The following PCDHA13 variants were observed in gnomAD, a reference collection of about 807,000 sequenced individuals.
The protein encoded by PCDHA13 is protocadherin alpha 13.
Under a neutral mutation model 64.8 loss-of-function variants are expected in PCDHA13, and 54 were observed. That is an observed-to-expected ratio of 0.83 (90% CI 0.67 to 1.04). The LOEUF (loss-of-function observed/expected upper bound fraction) is 1.04, where lower values mean the gene tolerates loss of function less well. Ranked by LOEUF, PCDHA13 falls within the 50% of genes least tolerant of loss-of-function variation. The probability of loss-of-function intolerance (pLI) is 0.00; values close to 1 mark genes in which losing one functional copy is unlikely to be tolerated. For synonymous variants in PCDHA13, 587 were observed against 564.4 expected (o/e 1.04, Z -0.57); for missense variants, 1,248 against 1,254.3 (o/e 0.99, Z 0.08).
At chr5:140,917,334 G>T (rs1466426021) in intron 1 of PCDHA13, among the ~76,000 whole-genome samples, 7 of 147,628 alleles carry the variant, frequency 4.7e-5, no homozygotes, top group Admixed American at 4.1e-4. Context: ...CGGGGGAGGG[G>T]GGGGATGGTG....
intron 3 of PCDHA13, among the ~76,000 whole-genome samples, chr5:140,998,895 A>G (rs545479952): frequency 1.3e-4 from 20 of 152,354 alleles, no homozygotes; most frequent in Non-Finnish European, 1.8e-4. Flanking sequence ...ATAAATAACA[A>G]TGCCTCCGGG....
At chr5:140,967,909 C>A in intron 1 of PCDHA13, 1 of 1,614,206 alleles carries the variant, frequency 6.2e-7, no homozygotes, top group Non-Finnish European at 8.5e-7. Flanking sequence ...CTACACCCAA[C>A]ACCATTGTGG....
At chr5:140,901,553 A>C (rs1387848935) in intron 1 of PCDHA13, among the ~76,000 whole-genome samples, 1 of 152,072 alleles carries the variant, frequency 6.6e-6, no homozygotes, top group African/African-American at 2.4e-5. Flanking sequence ...TGTTCCATTC[A>C]TCTATGTGTC....
intron 1 of PCDHA13, among the ~76,000 whole-genome samples, chr5:140,905,747 C>T (rs2072054792): frequency 2.0e-5 from 3 of 152,156 alleles, no homozygotes; most frequent in South Asian, 2.1e-4. Context: ...AGAGATCTTT[C>T]ACCTCCTTGG....
chr5:140,927,136 G>A (rs2083883058), intron 1 of PCDHA13: 3 of 1,613,986 alleles, frequency 1.9e-6, no homozygotes, highest in African/African-American at 2.7e-5. Flanking sequence ...AGAGCCGGCG[G>A]ACCGCGAACA....
chr5:140,914,504 T>A (rs1554196424), intron 1 of PCDHA13, among the ~76,000 whole-genome samples: 1 of 152,202 alleles, frequency 6.6e-6, no homozygotes, highest in Non-Finnish European at 1.5e-5. Flanking sequence ...AACAGATCAT[T>A]GGGTCATGTT....
Position 140,926,391 on chromosome 5 carries a change from A to T in PCDHA13, c.2394+41729A>T, listed in dbSNP as rs76822698. On this transcript the variant is annotated intron_variant, in intron 1 of 3. Coordinates refer to ENST00000289272, the MANE Select transcript of PCDHA13 (RefSeq NM_018904.3). ...AGGAAGAGCCCAGCTGGGCTCAGCCACAGTTATCAGCAATCTGCGGGCAGA... is the reference window on the plus strand; with the variant it reads ...AGGAAGAGCCCAGCTGGGCTCAGCCTCAGTTATCAGCAATCTGCGGGCAGA... 1,228 of 152,462 alleles carry T rather than the reference A, an allele frequency of 8.1e-3. 5 individuals carry two copies. The highest frequency in any genetic ancestry group is 0.019 in the African/African-American group (792 of 41,554). The allele number at this position is 152,462 out of a possible 1,614,324, so 9.4% of individuals were successfully genotyped here.
intron 3 of PCDHA13, among the ~76,000 whole-genome samples, chr5:140,993,754 A>T (rs1253767297): frequency 6.6e-6 from 1 of 152,170 alleles, no homozygotes; most frequent in African/African-American, 2.4e-5. Context: ...ACTTGCCATT[A>T]TATTACAATT....
intron 1 of PCDHA13, among the ~76,000 whole-genome samples, chr5:140,922,064 T>C (rs2080596272): frequency 6.6e-6 from 1 of 152,054 alleles, no homozygotes; most frequent in Non-Finnish European, 1.5e-5. Flanking sequence ...AATGTAGCAA[T>C]CCCACTAAGC....
At chr5:140,950,083 T>C (rs1361884165) in intron 1 of PCDHA13, among the ~76,000 whole-genome samples, 1 of 152,002 alleles carries the variant, frequency 6.6e-6, no homozygotes, top group Non-Finnish European at 1.5e-5. Context: ...GCTTATGCTA[T>C]AGTTTTCATT....
chr5:140,907,525 G>A (rs1016477325), intron 1 of PCDHA13, among the ~76,000 whole-genome samples: 3 of 152,196 alleles, frequency 2.0e-5, no homozygotes, highest in African/African-American at 4.8e-5. Flanking sequence ...AGGACAAATC[G>A]CTGCCCTTTC....
At chr5:140,943,789 T>C (rs2093567416) in intron 1 of PCDHA13, among the ~76,000 whole-genome samples, 1 of 152,228 alleles carries the variant, frequency 6.6e-6, no homozygotes, top group African/African-American at 2.4e-5. Flanking sequence ...TGGTCCTTTA[T>C]GCAAAGCAAA....
intron 1 of PCDHA13, chr5:140,927,071 GCCA>G (rs2083808355): frequency 4.3e-6 from 7 of 1,610,970 alleles, no homozygotes; most frequent in Non-Finnish European, 5.9e-6. Flanking sequence ...TTCCTTTCCA[GCCA>G]CCGCGAGCTC....
At chr5:140,917,137 C>A (rs868951388) in intron 1 of PCDHA13, among the ~76,000 whole-genome samples, 4 of 152,208 alleles carry the variant, frequency 2.6e-5, no homozygotes, top group African/African-American at 4.8e-5. Context: ...CCACGTTGCT[C>A]AGCTGCTGCT....
chr5:140,885,044 T>G (rs187504984), intron 1 of PCDHA13, among the ~76,000 whole-genome samples: 1 of 152,360 alleles, frequency 6.6e-6, no homozygotes, highest in African/African-American at 2.4e-5. Context: ...TTTAGTTTAA[T>G]GTATACATAT....
chr5:140,957,104 C>T (rs2095333785), intron 1 of PCDHA13, among the ~76,000 whole-genome samples: 1 of 152,104 alleles, frequency 6.6e-6, no homozygotes, highest in Non-Finnish European at 1.5e-5. Context: ...TTGCTATGGA[C>T]ATGATTCTGT....
intron 1 of PCDHA13, among the ~76,000 whole-genome samples, chr5:140,959,004 C>G (rs1554223791): frequency 6.6e-6 from 1 of 151,642 alleles, no homozygotes; most frequent in African/African-American, 2.4e-5. Flanking sequence ...TTTACTGTAC[C>G]TAATTTATAC....
chr5:140,888,811 T>C (rs187578319), intron 1 of PCDHA13, among the ~76,000 whole-genome samples: 124 of 152,270 alleles, frequency 8.1e-4, no homozygotes, highest in African/African-American at 1.8e-3. Context: ...CAGTGATCTG[T>C]GATCTGTGAT....
At chr5:140,895,454 G>T (rs1554186522) in intron 1 of PCDHA13, among the ~76,000 whole-genome samples, 1 of 151,918 alleles carries the variant, frequency 6.6e-6, no homozygotes, top group Non-Finnish European at 1.5e-5. Context: ...TGTGCTTATT[G>T]GTCATTTCTT....
Sources: allele counts gnomAD v4.1 joint callset (sites outside exome capture counted in the v4.1 genomes callset), GRCh38; gene constraint gnomAD v4.1.1; transcripts MANE v1.5; gene names NCBI Gene and HGNC (gene_info 2026-07-23, HGNC 2026-07-21).